Variants in COL25A1 observed in about 807,000 individuals in gnomAD.
COL25A1 encodes collagen alpha-1(XXV) chain.
A neutral mutation model predicts 128.4 loss-of-function variants in COL25A1; 103 were observed. The observed-to-expected ratio is 0.80, with a 90% CI of 0.68 to 0.94. COL25A1 has a LOEUF of 0.94. Among genes scored for constraint, COL25A1 ranks in the 40% least tolerant of loss-of-function variants. The pLI, the probability that COL25A1 is intolerant of heterozygous loss-of-function variation, is 0.00. For missense variants in COL25A1, 745 were observed against 840.0 expected, an observed-to-expected ratio of 0.89 and a Z score of 1.40; for synonymous variants, 279 against 277.2, an observed-to-expected ratio of 1.01 and a Z score of -0.06.
chr4:109,278,984 A>G lies in COL25A1; in HGVS notation c.367+21599T>C, dbSNP rs561738433. The stretch of plus-strand genomic sequence containing the variant: ...GGTGGAAGGGGCACGTCAACTCCCT[A>G]GGGACCTTTTTATATGGGCACTAAT... On this transcript the variant is annotated intron_variant, in intron 3 of 37. Coordinates refer to ENST00000399132, the MANE Select transcript of COL25A1 (RefSeq NM_198721.4). Among the ~76,000 whole-genome samples the G allele has an allele frequency of 2.0e-5, 3 of 152,150 alleles. No homozygotes were observed. The South Asian group carries it at 6.2e-4, about 32-fold the overall frequency.
intron 11 of COL25A1, among the ~76,000 whole-genome samples, chr4:108,927,946 A>G (rs942055558): frequency 7.9e-5 from 12 of 152,336 alleles, no homozygotes; most frequent in Middle Eastern, 6.8e-3. Context: ...TCAGATTCCA[A>G]AACAGAGACT....
intron 11 of COL25A1, among the ~76,000 whole-genome samples, chr4:108,928,940 T>C (rs1746407789): frequency 6.6e-6 from 1 of 152,178 alleles, no homozygotes; most frequent in Non-Finnish European, 1.5e-5. Flanking sequence ...TGAAATCAGG[T>C]GAACTGGATT....
At chr4:108,913,083 T>C (rs1526131) in intron 13 of COL25A1, among the ~76,000 whole-genome samples, 106,548 of 151,090 alleles carry the variant, frequency 0.71, 38,984 homozygotes, top group East Asian at 1. Context: ...TTATCTTTTT[T>C]TTTGGAAACA....
chr4:108,977,311 C>T (rs567013828), intron 6 of COL25A1, among the ~76,000 whole-genome samples: 1 of 152,246 alleles, frequency 6.6e-6, no homozygotes, highest in East Asian at 1.9e-4. Context: ...CCCCCAAAAT[C>T]ATTTTGCAAG....
intron 24 of COL25A1, among the ~76,000 whole-genome samples, chr4:108,856,530 C>G (rs1021124211): frequency 6.6e-6 from 1 of 152,106 alleles, no homozygotes; most frequent in African/African-American, 2.4e-5. Flanking sequence ...TCTTCTCAAT[C>G]TAATGTATTA....
intron 3 of COL25A1, among the ~76,000 whole-genome samples, chr4:109,153,983 T>C (rs370995172): frequency 7.9e-5 from 12 of 152,180 alleles, no homozygotes; most frequent in African/African-American, 2.4e-4. Context: ...ATGACCCTTG[T>C]CCCTGAGCAA....
At position 108,860,931 on chromosome 4, in the gene COL25A1, G is replaced by T; in HGVS notation, c.1238C>A (p.Pro413Gln). 6.2e-7 allele frequency: 1 copy of T among 1,613,594 alleles called. No individual in the cohort carries two copies. Among genetic ancestry groups the T allele is most frequent in the Non-Finnish European group, 8.5e-7 (1 of 1,179,648 alleles). Residue 413 changes from proline (P) to glutamine (Q), a missense_variant, in exon 23 of 38, where the codon CCA becomes CAA. Coordinates refer to ENST00000399132, the MANE Select transcript of COL25A1 (RefSeq NM_198721.4). ...ATGGATGAGAGGAACACTCACCCTT[G>T]GTCCCTGAGCTCCAGAGTCCCCTTT... ...GEKGDSGAQG[P>Q]RGPPGQKGDQ...
chr4:109,003,148 C>T (rs568175013), intron 6 of COL25A1, among the ~76,000 whole-genome samples: 2 of 152,160 alleles, frequency 1.3e-5, no homozygotes, highest in African/African-American at 4.8e-5. Context: ...TTCTGCATAG[C>T]AAAAGAAACT....
intron 13 of COL25A1, among the ~76,000 whole-genome samples, chr4:108,904,655 T>G (rs1291792928): frequency 1.3e-5 from 2 of 152,018 alleles, no homozygotes; most frequent in African/African-American, 4.8e-5. Context: ...GGGGAGCTGG[T>G]CTCATGTTTG....
At chr4:108,984,463 C>G (rs533522755) in intron 6 of COL25A1, among the ~76,000 whole-genome samples, 2 of 151,738 alleles carry the variant, frequency 1.3e-5, no homozygotes, top group African/African-American at 4.8e-5. Context: ...GGGGAGGCTC[C>G]CGCCGCACAG....
chr4:109,077,761 A>G (rs1454657731), intron 3 of COL25A1, among the ~76,000 whole-genome samples: 1 of 152,204 alleles, frequency 6.6e-6, no homozygotes, highest in Non-Finnish European at 1.5e-5. Flanking sequence ...ATGGTGTTGA[A>G]AGCTGTACTA....
intron 3 of COL25A1, among the ~76,000 whole-genome samples, chr4:109,265,620 G>T (rs899864853): frequency 1.4e-5 from 2 of 147,850 alleles, no homozygotes; most frequent in Admixed American, 1.4e-4. Flanking sequence ...ACTATATAAA[G>T]AATTCAAGAT....
At position 109,301,760 on chromosome 4, in the gene COL25A1, G is replaced by A; in HGVS notation, c.260C>T (p.Thr87Ile). The change falls in exon 2 of 38, where the codon ACT becomes ATT. Residue 87 changes from threonine to isoleucine, a missense_variant. Around this residue, in one of 3 missense-constraint regions of COL25A1, gnomAD observed 319 missense variants for 324.9 expected, o/e 0.98. Coordinates refer to ENST00000399132, the MANE Select transcript of COL25A1 (RefSeq NM_198721.4). ...LLPDTLDHLK[T>I]MVQEKVERLL... is the part of the protein sequence containing the mutation. The stretch of plus-strand genomic sequence containing the variant: ...TCGCTCCACTTTCTCTTGCACCATA[G>A]TCTTGAGGTGATCCAGGGTATCAGG... The A allele has an allele frequency of 1.2e-6, 2 of 1,614,236 alleles. No homozygotes were observed. Among genetic ancestry groups the A allele is most frequent in the Non-Finnish European group, 1.7e-6 (2 of 1,180,036 alleles).
intron 11 of COL25A1, among the ~76,000 whole-genome samples, chr4:108,924,618 T>C (rs750906968): frequency 6.6e-6 from 1 of 152,188 alleles, no homozygotes; most frequent in Non-Finnish European, 1.5e-5. Context: ...CATTTCTTGC[T>C]CCCTTAGCTA....
At chr4:109,273,759 T>C (rs1782353741) in intron 3 of COL25A1, among the ~76,000 whole-genome samples, 1 of 152,172 alleles carries the variant, frequency 6.6e-6, no homozygotes, top group Admixed American at 6.6e-5. Flanking sequence ...ACCTCCACCT[T>C]GGGCAAAGAG....
At chr4:109,043,116 C>T (rs879343913) in intron 5 of COL25A1, among the ~76,000 whole-genome samples, 2 of 106,402 alleles carry the variant, frequency 1.9e-5, no homozygotes, top group Admixed American at 1.0e-4. Flanking sequence ...CCAATGCTCA[C>T]CCTTCTCTGT....
At chr4:108,930,467 G>A (rs1433370457) in intron 11 of COL25A1, among the ~76,000 whole-genome samples, 1 of 152,218 alleles carries the variant, frequency 6.6e-6, no homozygotes, top group Non-Finnish European at 1.5e-5. Context: ...CTGTTCTTCT[G>A]AAGGTAAACC....
chr4:108,946,148 A>G (rs1015893544), intron 8 of COL25A1, among the ~76,000 whole-genome samples: 2 of 152,182 alleles, frequency 1.3e-5, no homozygotes, highest in Non-Finnish European at 2.9e-5. Context: ...CTCACAATGA[A>G]TATTTTGACA....
chr4:109,013,714 G>T (rs531572298), intron 5 of COL25A1, among the ~76,000 whole-genome samples: 5 of 152,068 alleles, frequency 3.3e-5, no homozygotes, highest in Non-Finnish European at 7.4e-5. Context: ...CACCGGGAAG[G>T]TCTGCAGCTT....
Sources: gnomAD v4.1 joint callset for allele counts (sites outside exome capture counted in the v4.1 genomes callset) on GRCh38, gnomAD v4.1.1 for gene constraint, gnomAD v4.1.1 regional missense constraint, MANE v1.5 for transcripts, NCBI Gene and HGNC (gene_info 2026-07-23, HGNC 2026-07-21) for gene names.